Variants in METTL24 observed in about 807,000 individuals in gnomAD.
The protein encoded by METTL24 is probable methyltransferase-like protein 24.
METTL24 carries 29 observed loss-of-function variants against 32.7 expected under a neutral mutation model. The ratio of observed to expected loss-of-function variants is 0.89; its 90% CI spans 0.66 to 1.21. The LOEUF (loss-of-function observed/expected upper bound fraction) is 1.21, where lower values mean the gene tolerates loss of function less well. METTL24 is among the 50% of genes most tolerant of loss of function. The probability of loss-of-function intolerance (pLI) is 0.00; values close to 1 mark genes in which losing one functional copy is unlikely to be tolerated. For missense variants in METTL24, 439 were observed against 468.1 expected, an observed-to-expected ratio of 0.94 and a Z score of 0.57; for synonymous variants, 163 against 179.5, an observed-to-expected ratio of 0.91 and a Z score of 0.73.
At chr6:110,283,014 A>G (rs534280019) in intron 4 of METTL24, among the ~76,000 whole-genome samples, 6 of 152,258 alleles carry the variant, frequency 3.9e-5, no homozygotes, top group Admixed American at 1.3e-4. Context: ...CTCTTGAAAA[A>G]TCTCAAGAAT....
intron 3 of METTL24, among the ~76,000 whole-genome samples, chr6:110,310,555 T>C (rs1162853922): frequency 6.6e-6 from 1 of 152,198 alleles, no homozygotes; most frequent in Non-Finnish European, 1.5e-5. Context: ...TTCTCTTCTC[T>C]ATCCCTTTCT....
chr6:110,336,140 C>A lies in METTL24; in HGVS notation c.319-13268G>T, dbSNP rs112663123. On this transcript the variant is annotated intron_variant, in intron 1 of 4. Coordinates refer to ENST00000338882, the MANE Select transcript of METTL24 (RefSeq NM_001123364.3). ...TCTGAAAATGTCATGGAGGATAAAT[C>A]CTTAGTGAGTTAGAAAGGAGGATTA... Among the ~76,000 whole-genome samples, 567 of 152,258 alleles carry A rather than the reference C, an allele frequency of 3.7e-3. 2 individuals are homozygous for A. The highest frequency in any genetic ancestry group is 6.3e-3 in the Non-Finnish European group (427 of 68,020).
chr6:110,268,980 A>C (rs1268829155), intron 4 of METTL24, among the ~76,000 whole-genome samples: 2 of 152,142 alleles, frequency 1.3e-5, no homozygotes, highest in African/African-American at 4.8e-5. Flanking sequence ...CCAGGTCTAC[A>C]GCCCACATCA....
intron 3 of METTL24, among the ~76,000 whole-genome samples, chr6:110,309,769 T>C (rs935886997): frequency 3.3e-5 from 5 of 152,062 alleles, no homozygotes; most frequent in African/African-American, 1.2e-4. Flanking sequence ...CATGTGGGAA[T>C]TATAGGAACT....
chr6:110,344,879 T>A (rs1478622154), intron 1 of METTL24, among the ~76,000 whole-genome samples: 1 of 152,188 alleles, frequency 6.6e-6, no homozygotes, highest in Non-Finnish European at 1.5e-5. Flanking sequence ...AGCAAAGACT[T>A]CATGACAAAA....
intron 1 of METTL24, among the ~76,000 whole-genome samples, chr6:110,337,470 T>TATCATTATGA (rs1345286948): frequency 6.6e-6 from 1 of 152,188 alleles, no homozygotes; most frequent in Non-Finnish European, 1.5e-5. Flanking sequence ...AAGAGGTGGT[T>TATCATTATGA]ATCATTATGA....
intron 1 of METTL24, among the ~76,000 whole-genome samples, chr6:110,325,757 A>G (rs772027414): frequency 1.7e-4 from 26 of 152,212 alleles, no homozygotes; most frequent in Non-Finnish European, 3.1e-4. Context: ...AAAGAGAAAC[A>G]GGGACTCTCA....
chr6:110,253,011 CTGAT>C (rs1584103855), intron 4 of METTL24, among the ~76,000 whole-genome samples: 1 of 152,208 alleles, frequency 6.6e-6, no homozygotes, highest in Admixed American at 6.5e-5. Context: ...CTGTGAATGA[CTGAT>C]TGACTAACAC....
At chr6:110,304,349 G>C (rs1771591234) in intron 3 of METTL24, among the ~76,000 whole-genome samples, 1 of 152,176 alleles carries the variant, frequency 6.6e-6, no homozygotes, top group Non-Finnish European at 1.5e-5. Flanking sequence ...GGCTTCAGAA[G>C]GTGGGTAATA....
At chr6:110,309,809 C>A (rs570198388) in intron 3 of METTL24, among the ~76,000 whole-genome samples, 12 of 150,602 alleles carry the variant, frequency 8.0e-5, no homozygotes, top group Non-Finnish European at 1.6e-4. Flanking sequence ...GGGACACAGC[C>A]AAACCTTATC....
At chr6:110,275,753 C>CA (rs1326043172) in intron 4 of METTL24, among the ~76,000 whole-genome samples, 1 of 152,074 alleles carries the variant, frequency 6.6e-6, no homozygotes, top group Non-Finnish European at 1.5e-5. Flanking sequence ...CAAACAACAA[C>CA]AAAAAAATTC....
At chr6:110,317,011 G>A (rs1771833339) in intron 2 of METTL24, among the ~76,000 whole-genome samples, 1 of 152,124 alleles carries the variant, frequency 6.6e-6, no homozygotes, top group Non-Finnish European at 1.5e-5. Context: ...GAGCCTATTC[G>A]ACTAACACAG....
intron 3 of METTL24, among the ~76,000 whole-genome samples, chr6:110,311,299 AG>A (rs1365563675): frequency 6.6e-6 from 1 of 152,022 alleles, no homozygotes; most frequent in Non-Finnish European, 1.5e-5. Context: ...CACAACCCAA[AG>A]CCTCTTTTTC....
chr6:110,347,518 A>G (rs971583661), intron 1 of METTL24, among the ~76,000 whole-genome samples: 16 of 152,238 alleles, frequency 1.1e-4, no homozygotes, highest in Non-Finnish European at 2.2e-4. Flanking sequence ...TACCAAGTAT[A>G]ATAATATGCA....
At position 110,350,579 on chromosome 6, in the gene METTL24, C is replaced by A. The variant is rs192647410; in HGVS notation, c.318+7376G>T. On this transcript the variant is annotated intron_variant, in intron 1 of 4. Coordinates refer to ENST00000338882, the MANE Select transcript of METTL24 (RefSeq NM_001123364.3). ...TGAGACTCTAAGTTTCGTTTGAGAA[C>A]CCTAATTGGTATCATGGGCTAAATA... Among the ~76,000 whole-genome samples, 4 of 151,496 alleles carry A rather than the reference C, an allele frequency of 2.6e-5. No individual in the cohort carries two copies. The East Asian group carries it at 5.8e-4, about 22-fold the overall frequency.
chr6:110,252,640 G>C (rs774616327), intron 4 of METTL24, among the ~76,000 whole-genome samples: 1 of 152,140 alleles, frequency 6.6e-6, no homozygotes, highest in Non-Finnish European at 1.5e-5. Context: ...ATGGCAGCCT[G>C]TAGTGTCTCC....
At chr6:110,261,476 G>A (rs1234527050) in intron 4 of METTL24, among the ~76,000 whole-genome samples, 1 of 152,184 alleles carries the variant, frequency 6.6e-6, no homozygotes, top group Admixed American at 6.5e-5. Context: ...CAAGTCCTTA[G>A]AGACCTAGAA....
chr6:110,345,168 G>GA (rs371902050), intron 1 of METTL24, among the ~76,000 whole-genome samples: 45 of 151,462 alleles, frequency 3.0e-4, no homozygotes, highest in African/African-American at 7.3e-4. Flanking sequence ...GCAAGCATAT[G>GA]AAAAAAAAAT....
At chr6:110,262,031 A>G (rs1770743329) in intron 4 of METTL24, among the ~76,000 whole-genome samples, 1 of 152,224 alleles carries the variant, frequency 6.6e-6, no homozygotes, top group South Asian at 2.1e-4. Context: ...TCTAAAATTG[A>G]CACCCTAACA....
Sources: allele counts gnomAD v4.1 joint callset (sites outside exome capture counted in the v4.1 genomes callset), GRCh38; gene constraint gnomAD v4.1.1; transcripts MANE v1.5; gene names NCBI Gene and HGNC (gene_info 2026-07-23, HGNC 2026-07-21).